The following MACROH2A1 variants were observed in gnomAD, a reference collection of about 807,000 sequenced individuals.
MACROH2A1 encodes core histone macro-H2A.1.
A neutral mutation model predicts 31.6 loss-of-function variants in MACROH2A1; 2 were observed. That is an observed-to-expected ratio of 0.06 (90% CI 0.03 to 0.20). The LOEUF (loss-of-function observed/expected upper bound fraction) is 0.20. Among genes scored for constraint, MACROH2A1 ranks in the 10% least tolerant of loss-of-function variants. MACROH2A1 has a pLI of 1.00. For missense variants in MACROH2A1, 230 were observed against 474.0 expected, an observed-to-expected ratio of 0.49 and a Z score of 4.78; for synonymous variants, 169 against 189.6, an observed-to-expected ratio of 0.89 and a Z score of 0.89.
At chr5:135,390,987 G>A (rs868198280) in intron 1 of MACROH2A1, among the ~76,000 whole-genome samples, 2 of 152,176 alleles carry the variant, frequency 1.3e-5, no homozygotes, top group African/African-American at 4.8e-5. Context: ...CCCTGTCAAG[G>A]AGCACCCAGT....
chr5:135,365,977 G>A (rs1763452418), intron 4 of MACROH2A1, among the ~76,000 whole-genome samples: 1 of 152,210 alleles, frequency 6.6e-6, no homozygotes, highest in South Asian at 2.1e-4. Flanking sequence ...AGACCAGGTG[G>A]AGGTAACTGG....
In MACROH2A1 at chr5:135,343,411, G is replaced by A. The variant is rs746573442; in HGVS notation, c.802C>T (p.Leu268=). 6.2e-7 allele frequency: 1 copy of A among 1,614,230 alleles called. No individual in the cohort carries two copies. The change falls in exon 8 of 9, where the codon CTG becomes TTG. Residue 268 remains leucine, a synonymous_variant. Transcript: ENST00000511689. ...AGAAVSAGHG[L]PAKFVIHCNS... ...CAGTGGATCACAAACTTGGCAGGCA[G>A]GCCATGGCCTGCGCTGACAGCAGCT... is the stretch of plus-strand genomic sequence containing the variant.
chr5:135,378,844 C>T (rs1276250563), intron 2 of MACROH2A1, among the ~76,000 whole-genome samples: 1 of 152,186 alleles, frequency 6.6e-6, no homozygotes, highest in Non-Finnish European at 1.5e-5. Flanking sequence ...ATTCAGAGCA[C>T]TTCCCCCGAA....
At chr5:135,343,523 G>T (rs1400877693) in intron 7 of MACROH2A1, 89 bp from the exon 8 acceptor site, 17 of 1,565,950 alleles carry the variant, frequency 1.1e-5, no homozygotes, top group Non-Finnish European at 1.4e-5. Flanking sequence ...CCCTGCCACG[G>T]TATATCTTCC....
intron 5 of MACROH2A1, 81 bp downstream of exon 5, chr5:135,360,416 C>T: frequency 1.1e-6 from 1 of 950,442 alleles, no homozygotes; most frequent in Non-Finnish European, 1.7e-6. Context: ...CCCGGGATCC[C>T]CCCAGCCTTC....
intron 1 of MACROH2A1, among the ~76,000 whole-genome samples, chr5:135,397,103 CATAT>C (rs1768114975): frequency 1.3e-5 from 2 of 152,120 alleles, no homozygotes; most frequent in African/African-American, 4.8e-5. Flanking sequence ...ATGAACAACA[CATAT>C]AGAGTCTTGT....
chr5:135,398,709 G>A lies in MACROH2A1; in HGVS notation c.-34+353C>T, dbSNP rs1768408058. On this transcript the variant is annotated intron_variant, in intron 1 of 8. Transcript: ENST00000511689. This position sits in a 1 kb window ranked among gnomAD's most constrained non-coding sequence, Gnocchi z 4.6. ...AGCCAGCGCCGCGGGGCCTCCTGCG[G>A]CCTCGGGCCTGGCCCGTGAGCCCGC... Among the ~76,000 whole-genome samples, 1 of 152,174 alleles carries A rather than the reference G, an allele frequency of 6.6e-6. No individual in the cohort carries two copies. Among genetic ancestry groups the A allele is most frequent in the African/African-American group, 2.4e-5 (1 of 41,434 alleles).
rs1768454437 is a variant in MACROH2A1 at position 135,398,947 on chromosome 5, GA to G, written c.-34+114del. ...TGGGCCACACCGAACCCGGCGGCCC[GA>G]GCCCGGCCCGCACCACACCGGTGCG... On this transcript the variant is annotated intron_variant, in intron 1 of 8. Transcript: ENST00000511689. This position sits in a 1 kb window ranked among gnomAD's most constrained non-coding sequence, Gnocchi z 4.6. 1 of 149,746 alleles carries G rather than the reference GA, an allele frequency of 6.7e-6. No homozygotes were observed. The highest frequency in any genetic ancestry group is 2.1e-4 in the South Asian group (1 of 4,780). The allele number at this position is 149,746 out of a possible 1,614,324, so 9.3% of individuals were successfully genotyped here.
chr5:135,340,920 G>A (rs1484081266), intron 8 of MACROH2A1, among the ~76,000 whole-genome samples: 2 of 152,134 alleles, frequency 1.3e-5, no homozygotes, highest in Non-Finnish European at 2.9e-5. Context: ...GCTGCCTTAG[G>A]CATTTCCCCC....
chr5:135,375,131 G>GT (rs952475304), intron 2 of MACROH2A1, among the ~76,000 whole-genome samples: 1 of 152,196 alleles, frequency 6.6e-6, no homozygotes, highest in Non-Finnish European at 1.5e-5. Flanking sequence ...TAAGATTTTT[G>GT]TTTTTCAAAA....
At chr5:135,336,313 C>T (rs1344593485) in intron 8 of MACROH2A1, among the ~76,000 whole-genome samples, 2 of 152,210 alleles carry the variant, frequency 1.3e-5, no homozygotes, top group Admixed American at 6.5e-5. Context: ...CATTTCACAG[C>T]CACAGGGGAA....
chr5:135,339,131 G>A (rs891444659), intron 8 of MACROH2A1, among the ~76,000 whole-genome samples: 1 of 152,156 alleles, frequency 6.6e-6, no homozygotes, highest in South Asian at 2.1e-4. Context: ...ATAGGGCTAG[G>A]ACCTTAAGCA....
intron 2 of MACROH2A1, among the ~76,000 whole-genome samples, chr5:135,378,989 T>A (rs953171834): frequency 2.0e-5 from 3 of 152,206 alleles, no homozygotes; most frequent in Non-Finnish European, 1.5e-5. Context: ...GAACAGCAGA[T>A]ATTGACTTTT....
At chr5:135,341,518 G>C (rs1759863394) in intron 8 of MACROH2A1, among the ~76,000 whole-genome samples, 1 of 152,238 alleles carries the variant, frequency 6.6e-6, no homozygotes, top group South Asian at 2.1e-4. Flanking sequence ...CCAGAGCCTG[G>C]TACTGGTGGG....
chr5:135,335,030 G>A lies in MACROH2A1; in HGVS notation c.1065C>T (p.Asp355=). The A allele has an allele frequency of 2.5e-6, 4 of 1,613,948 alleles. No homozygotes were observed. Among genetic ancestry groups the A allele is most frequent in the Non-Finnish European group, 3.4e-6 (4 of 1,179,824 alleles). ...SIKTVYFVLF[D]SESIGIYVQE... The stretch of plus-strand genomic sequence containing the variant: ...GCACATAGATGCCTATACTCTCGCT[G>A]TCAAAAAGCACGAAGTACACCGTTT... The change falls in exon 9 of 9, where the codon GAC becomes GAT. Residue 355 remains aspartate (D), a synonymous_variant. Coordinates refer to ENST00000511689, the MANE Select transcript of MACROH2A1 (RefSeq NM_138610.3).
chr5:135,364,498 G>A (rs1270082300), intron 4 of MACROH2A1, among the ~76,000 whole-genome samples: 1 of 152,132 alleles, frequency 6.6e-6, no homozygotes, highest in Non-Finnish European at 1.5e-5. Flanking sequence ...TCAGTTTGGG[G>A]GAAATAAAAG....
intron 8 of MACROH2A1, among the ~76,000 whole-genome samples, chr5:135,339,889 A>G (rs1478131678): frequency 1.3e-5 from 2 of 152,010 alleles, no homozygotes; most frequent in Non-Finnish European, 2.9e-5. Context: ...GTGGCCTCCC[A>G]CTCCAGGCCC....
At chr5:135,336,417 T>TA (rs984772438) in intron 8 of MACROH2A1, among the ~76,000 whole-genome samples, 1 of 152,166 alleles carries the variant, frequency 6.6e-6, no homozygotes, top group Admixed American at 6.5e-5. Context: ...AGTTCACTCT[T>TA]AGAGGACAAG....
rs924457499 is a variant in MACROH2A1, at chr5:135,337,904, G to A, written c.954-2763C>T. 5 of 1,068,286 alleles carry A rather than the reference G, an allele frequency of 4.7e-6. No homozygotes were observed. In the African/African-American group the frequency reaches 6.8e-5, roughly 15 times the overall value. 66.2% of individuals were successfully genotyped at this position (1,068,286 alleles called of 1,614,324 possible). ...GGATTTGTTTCCAGGACAACCCTTT[G>A]TTGACAAATCCATCCCTCTGTCCTA... On this transcript the variant is annotated intron_variant, in intron 8 of 8. Transcript: ENST00000511689.
Sources: gnomAD v4.1 joint callset for allele counts (sites outside exome capture counted in the v4.1 genomes callset) on GRCh38, gnomAD v4.1.1 for gene constraint, Gnocchi (gnomAD v3.1) non-coding constraint, MANE v1.5 for transcripts, NCBI Gene and HGNC (gene_info 2026-07-23, HGNC 2026-07-21) for gene names.